The following PAX3 variants were observed in gnomAD, a reference collection of about 807,000 sequenced individuals.
The protein encoded by PAX3 is paired box protein Pax-3.
A neutral mutation model predicts 51.6 loss-of-function variants in PAX3; 14 were observed. The ratio of observed to expected loss-of-function variants is 0.27; its 90% CI spans 0.18 to 0.42. The LOEUF is 0.42. Ranked by LOEUF, PAX3 falls within the 10% of genes least tolerant of loss-of-function variation. The pLI is 1.00. For synonymous variants in PAX3, 280 were observed against 253.4 expected, an observed-to-expected ratio of 1.11 and a Z score of -1.00; for missense variants, 540 against 642.8, an observed-to-expected ratio of 0.84 and a Z score of 1.73.
intron 1 of PAX3, among the ~76,000 whole-genome samples, chr2:222,297,886 G>C (rs1695390674): frequency 6.6e-6 from 1 of 152,156 alleles, no homozygotes; most frequent in Non-Finnish European, 1.5e-5. Flanking sequence ...ATCTCTGCTG[G>C]GGCGCCCTAA....
intron 7 of PAX3, among the ~76,000 whole-genome samples, chr2:222,215,205 G>T (rs1691905671): frequency 6.6e-6 from 1 of 152,172 alleles, no homozygotes; most frequent in South Asian, 2.1e-4. Context: ...AAGAGTAAAT[G>T]AATCAAAACC....
chr2:222,294,236 C>T lies in PAX3; in HGVS notation c.517G>A (p.Glu173Lys), dbSNP rs1695165664. The stretch of plus-strand genomic sequence containing the variant: ...TCGCTTTCCTCTGCCTCCTTCCTCT[C>T]CAAGTCGGCCTCCTCCTCTTCACCT... ...GKGEEEEADL[E>K]RKEAEESEKK... The change falls in exon 4 of 9, where the codon GAG (glutamate) becomes AAG (lysine). Residue 173 changes from glutamate to lysine, a missense_variant. Glu to Lys is a moderately conservative substitution (Grantham distance 56, BLOSUM62 1). Coordinates refer to ENST00000392070, the MANE Select transcript of PAX3 (RefSeq NM_181458.4). The T allele has an allele frequency of 6.2e-7, 1 of 1,614,156 alleles. No individual in the cohort carries two copies. The highest frequency in any genetic ancestry group is 8.5e-7 in the Non-Finnish European group (1 of 1,180,058).
intron 8 of PAX3, 181 bp downstream of exon 8, chr2:222,201,763 G>T: frequency 6.7e-7 from 1 of 1,483,228 alleles, no homozygotes; most frequent in Non-Finnish European, 8.9e-7. Flanking sequence ...GTTGACATCA[G>T]TTAAGAAAAT....
At chr2:222,268,634 G>A (rs764467889) in intron 4 of PAX3, among the ~76,000 whole-genome samples, 51 of 152,182 alleles carry the variant, frequency 3.4e-4, no homozygotes, top group Middle Eastern at 6.3e-3. Flanking sequence ...GGGGGGTTGG[G>A]GGGCAGAGGG....
At chr2:222,222,339 C>T (rs370687193) in intron 5 of PAX3, among the ~76,000 whole-genome samples, 29 of 152,120 alleles carry the variant, frequency 1.9e-4, no homozygotes, top group South Asian at 1.7e-3. Context: ...ATGATGTTTC[C>T]CCTAAAATGA....
In PAX3 at chr2:222,200,500, G is replaced by A. The variant is rs746465696; in HGVS notation, c.*908C>T. On this transcript the variant is annotated 3_prime_UTR_variant, in exon 9 of 9. Coordinates refer to ENST00000392070, the MANE Select transcript of PAX3 (RefSeq NM_181458.4). ...ATGGGCTGTGAAAATAAAAGCACCT[G>A]CAAAAATATACTTCTGATTTTGCTT... 8.2e-4 allele frequency: 190 copies of A among 230,452 alleles called. 1 individual carries two copies. The highest frequency in any genetic ancestry group is 2.8e-4 in the Admixed American group (5 of 17,738). The allele number at this position is 230,452 out of a possible 1,614,324, so 14.3% of individuals were successfully genotyped here.
At chr2:222,236,617 C>T (rs1692806862) in intron 4 of PAX3, among the ~76,000 whole-genome samples, 1 of 152,072 alleles carries the variant, frequency 6.6e-6, no homozygotes, top group South Asian at 2.1e-4. Flanking sequence ...TATCTTTTTT[C>T]TCTATAGAAT....
chr2:222,258,887 C>G (rs1411121701), intron 4 of PAX3, among the ~76,000 whole-genome samples: 1 of 152,050 alleles, frequency 6.6e-6, no homozygotes, highest in Non-Finnish European at 1.5e-5. Flanking sequence ...GCTGAGATTT[C>G]TTTTTTTCCT....
At chr2:222,271,259 G>A (rs1435737986) in intron 4 of PAX3, among the ~76,000 whole-genome samples, 1 of 152,008 alleles carries the variant, frequency 6.6e-6, no homozygotes, top group African/African-American at 2.4e-5. Context: ...ACTAGACCTG[G>A]GCAGCCTGAT....
rs1691278340 is a variant in PAX3, at chr2:222,201,255, A to G, written c.*153T>C. 2 of 1,613,928 alleles carry G rather than the reference A, an allele frequency of 1.2e-6. No individual in the cohort carries two copies. The highest frequency in any genetic ancestry group is 2.7e-5 in the African/African-American group (2 of 74,898). On this transcript the variant is annotated 3_prime_UTR_variant, in exon 9 of 9. Coordinates refer to ENST00000392070, the MANE Select transcript of PAX3 (RefSeq NM_181458.4). ...TTTGAAACCAACTATTGGAGGAAGA[A>G]AATCAATCACTCTCCTTTGTCTCCT...
chr2:222,297,110 G>A lies in PAX3; in HGVS notation c.189C>T (p.Ala63=), dbSNP rs745867624. 1 of 1,613,840 alleles carries A rather than the reference G, an allele frequency of 6.2e-7. No individual in the cohort carries two copies. Among genetic ancestry groups the A allele is most frequent in the Non-Finnish European group, 8.5e-7 (1 of 1,179,910 alleles). ...NHIRHKIVEM[A]HHGIRPCVIS... is the part of the protein sequence containing the mutation. ...TGACGCAGGGCCGGATGCCGTGGTG[G>A]GCCATCTCCACGATCTTGTGGCGGA... The change falls in exon 2 of 9, where the codon GCC becomes GCT. Residue 63 remains alanine (A), a synonymous_variant. Coordinates refer to ENST00000392070, the MANE Select transcript of PAX3 (RefSeq NM_181458.4).
At chr2:222,244,371 T>C (rs1284568102) in intron 4 of PAX3, among the ~76,000 whole-genome samples, 5 of 152,172 alleles carry the variant, frequency 3.3e-5, no homozygotes, top group Non-Finnish European at 5.9e-5. Context: ...GACAAGCTTA[T>C]TAACCCTCTG....
At chr2:222,252,298 A>AGCCAACAT (rs1294164413) in intron 4 of PAX3, among the ~76,000 whole-genome samples, 1 of 152,228 alleles carries the variant, frequency 6.6e-6, no homozygotes, top group Non-Finnish European at 1.5e-5. Context: ...TCTATATGAT[A>AGCCAACAT]GCCAACATTT....
intron 4 of PAX3, among the ~76,000 whole-genome samples, chr2:222,289,544 G>A (rs1694954160): frequency 6.6e-6 from 1 of 152,122 alleles, no homozygotes; most frequent in Non-Finnish European, 1.5e-5. Context: ...TTATTACTCA[G>A]TAGAAGCCCC....
intron 4 of PAX3, among the ~76,000 whole-genome samples, chr2:222,287,727 T>A (rs1194608558): frequency 6.6e-6 from 1 of 152,202 alleles, no homozygotes; most frequent in Non-Finnish European, 1.5e-5. Context: ...AGTAAATATT[T>A]TACATCAGAG....
rs772893259 is a variant in PAX3, at chr2:222,298,663, G to C, written c.-48C>G. ...AATTATATCCAGGTGAAGGCGAAACGGAAAGGCGAGTGCGGCGCGGATGAC... is the reference window on the plus strand; with the variant it reads ...AATTATATCCAGGTGAAGGCGAAACCGAAAGGCGAGTGCGGCGCGGATGAC... On this transcript the variant is annotated 5_prime_UTR_variant, in exon 1 of 9. Transcript: ENST00000392070. 1.3e-6 allele frequency: 2 copies of C among 1,523,480 alleles called. No individual in the cohort carries two copies. The highest frequency in any genetic ancestry group is 1.8e-6 in the Non-Finnish European group (2 of 1,118,132). The allele number at this position is 1,523,480 out of a possible 1,614,324, so 94.4% of individuals were successfully genotyped here.
At chr2:222,253,963 T>C (rs1693538781) in intron 4 of PAX3, among the ~76,000 whole-genome samples, 1 of 152,144 alleles carries the variant, frequency 6.6e-6, no homozygotes. Flanking sequence ...GCCTTTTTTT[T>C]CTCCAAAATG....
rs561817346 is a variant in PAX3, at chr2:222,286,218, G to A, written c.586+7949C>T. The stretch of plus-strand genomic sequence containing the variant: ...CTCCCAAAGTGCTGGGATTACAGGC[G>A]TGAGCCACCGCGCCAGGCGGCTTGA... On this transcript the variant is annotated intron_variant, in intron 4 of 8. Transcript: ENST00000392070. 3.1e-4 allele frequency among the ~76,000 whole-genome samples: 47 copies of A among 152,348 alleles called. 1 individual carries two copies. The South Asian group carries it at 8.3e-3, about 27-fold the overall frequency.
chr2:222,298,237 G>A (rs2106206887), intron 1 of PAX3: 1 of 458,250 alleles, frequency 2.2e-6, no homozygotes, highest in African/African-American at 2.0e-5. Context: ...CCGCTCAGAA[G>A]CCGGTTCACC....
Sources: gnomAD v4.1 joint callset for allele counts (sites outside exome capture counted in the v4.1 genomes callset) on GRCh38, gnomAD v4.1.1 for gene constraint, MANE v1.5 for transcripts, NCBI Gene and HGNC (gene_info 2026-07-23, HGNC 2026-07-21) for gene names.